The following TIAM1 variants were observed in gnomAD, a reference collection of about 807,000 sequenced individuals.
TIAM1 encodes rho guanine nucleotide exchange factor TIAM1.
Under a neutral mutation model 163.5 loss-of-function variants are expected in TIAM1, and 65 were observed. The ratio of observed to expected loss-of-function variants is 0.40; its 90% CI spans 0.33 to 0.49. The LOEUF (loss-of-function observed/expected upper bound fraction) is 0.49, where lower values mean the gene tolerates loss of function less well. Ranked by LOEUF, TIAM1 falls within the 20% of genes least tolerant of loss-of-function variation. TIAM1 has a pLI of 0.77. For synonymous variants in TIAM1, 833 were observed against 810.1 expected (o/e 1.03, Z -0.48); for missense variants, 1,789 against 2,044.7 (o/e 0.87, Z 2.41).
chr21:31,124,344 A>T, intron 27 of TIAM1, 178 bp downstream of exon 27: 1 of 763,208 alleles, frequency 1.3e-6, no homozygotes, highest in Non-Finnish European at 1.9e-6. Context: ...GCGGATCCCC[A>T]GGAGCCACTG....
intron 2 of TIAM1, among the ~76,000 whole-genome samples, chr21:31,381,580 A>C (rs1429037260): frequency 6.6e-6 from 1 of 152,172 alleles, no homozygotes; most frequent in East Asian, 1.9e-4. Context: ...AGGAACAGGA[A>C]TCACTTGAAC....
chr21:31,137,695 C>T (rs1257547716), intron 22 of TIAM1, among the ~76,000 whole-genome samples: 1 of 151,508 alleles, frequency 6.6e-6, no homozygotes, highest in African/African-American at 2.4e-5. Flanking sequence ...CACATCGCCG[C>T]CCGGATGACT....
intron 2 of TIAM1, among the ~76,000 whole-genome samples, chr21:31,446,991 G>C (rs73902350): frequency 4.1e-4 from 63 of 152,324 alleles, no homozygotes; most frequent in African/African-American, 1.4e-3. Context: ...GGGATTTTGT[G>C]TTAAGACAAA....
At chr21:31,225,545 T>A (rs2087901252) in intron 7 of TIAM1, among the ~76,000 whole-genome samples, 181 bp downstream of exon 7, 1 of 151,490 alleles carries the variant, frequency 6.6e-6, no homozygotes, top group Admixed American at 6.6e-5. Flanking sequence ...CTATTAACAA[T>A]CAGCTATGAA....
At chr21:31,475,025 TTTATTATTA>T (rs550390061) in intron 1 of TIAM1, among the ~76,000 whole-genome samples, 11 of 118,690 alleles carry the variant, frequency 9.3e-5, no homozygotes, top group East Asian at 6.5e-4. Flanking sequence ...GAGCTAGTTT[TTTATTATTA>T]TTATTATTAT....
intron 1 of TIAM1, among the ~76,000 whole-genome samples, chr21:31,551,257 C>A (rs73345667): frequency 0.028 from 4,232 of 151,024 alleles, 207 homozygotes; most frequent in African/African-American, 0.098. Context: ...AGAAAAAGAA[C>A]CACGGCTGGA....
At chr21:31,489,938 G>C (rs904320592) in intron 1 of TIAM1, among the ~76,000 whole-genome samples, 1 of 152,236 alleles carries the variant, frequency 6.6e-6, no homozygotes, top group East Asian at 1.9e-4. Flanking sequence ...GCAGGAGTAA[G>C]AGGAAAAAGA....
intron 2 of TIAM1, among the ~76,000 whole-genome samples, chr21:31,360,777 T>A (rs1334163581): frequency 1.3e-5 from 2 of 152,208 alleles, no homozygotes; most frequent in Non-Finnish European, 2.9e-5. Flanking sequence ...AAAGAAAATA[T>A]TCCAATGACC....
intron 2 of TIAM1, among the ~76,000 whole-genome samples, chr21:31,300,068 G>A (rs1242266673): frequency 6.6e-6 from 1 of 152,138 alleles, no homozygotes; most frequent in Admixed American, 6.5e-5. Flanking sequence ...TGGATCACGG[G>A]GGAGGATTTC....
chr21:31,469,973 G>A (rs1183916481), intron 1 of TIAM1, among the ~76,000 whole-genome samples: 1 of 151,206 alleles, frequency 6.6e-6, no homozygotes, highest in Non-Finnish European at 1.5e-5. Flanking sequence ...GAGGCTCCGA[G>A]TGTTACGAGT....
intron 4 of TIAM1, among the ~76,000 whole-genome samples, chr21:31,257,995 C>T (rs931747303): frequency 1.3e-5 from 2 of 151,658 alleles, no homozygotes; most frequent in African/African-American, 2.4e-5. Context: ...TCCCTCCTCC[C>T]CTCCTCTCCT....
intron 3 of TIAM1, among the ~76,000 whole-genome samples, chr21:31,272,618 T>C (rs1194883497): frequency 6.6e-6 from 1 of 152,164 alleles, no homozygotes; most frequent in African/African-American, 2.4e-5. Flanking sequence ...CTGCATACAA[T>C]TTCCTGTGAA....
In TIAM1 at chr21:31,174,741, G is replaced by A. The variant is rs534807933; in HGVS notation, c.2887+7680C>T. Among the ~76,000 whole-genome samples, 8 of 152,220 alleles carry A rather than the reference G, an allele frequency of 5.3e-5. No homozygotes were observed. The South Asian group carries it at 6.2e-4, about 12-fold the overall frequency. ...CGGCTCACTGCAACCTCCACCTCCC[G>A]GGTTCAAGCAATTCTCCTGCCTCAG... On this transcript the variant is annotated intron_variant, in intron 15 of 27. Transcript: ENST00000541036.
intron 2 of TIAM1, among the ~76,000 whole-genome samples, chr21:31,281,998 G>C (rs1376288524): frequency 6.6e-6 from 1 of 152,174 alleles, no homozygotes; most frequent in Non-Finnish European, 1.5e-5. Flanking sequence ...AAAAACTTGG[G>C]AATGACTTCT....
chr21:31,548,132 C>CTTT (rs553946414), intron 1 of TIAM1, among the ~76,000 whole-genome samples: 77 of 74,954 alleles, frequency 1.0e-3, no homozygotes, highest in Middle Eastern at 9.3e-3. Flanking sequence ...TTATTTGTGT[C>CTTT]TTTTTTTTTT....
At chr21:31,338,814 C>A (rs2075932579) in intron 2 of TIAM1, among the ~76,000 whole-genome samples, 1 of 152,154 alleles carries the variant, frequency 6.6e-6, no homozygotes, top group African/African-American at 2.4e-5. Flanking sequence ...AACCACTTAG[C>A]AGTTTACATC....
At chr21:31,333,263 T>G (rs2075734824) in intron 2 of TIAM1, among the ~76,000 whole-genome samples, 1 of 152,024 alleles carries the variant, frequency 6.6e-6, no homozygotes, top group Non-Finnish European at 1.5e-5. Context: ...ACTTTACTTC[T>G]CTCCAACTCC....
chr21:31,359,858 A>AGGG (rs2076379895), intron 2 of TIAM1, among the ~76,000 whole-genome samples: 3 of 95,606 alleles, frequency 3.1e-5, no homozygotes, highest in South Asian at 4.9e-4. Context: ...GGAAGGAAGG[A>AGGG]AGGAAGGGAG....
At chr21:31,289,692 T>C (rs2300349) in intron 2 of TIAM1, among the ~76,000 whole-genome samples, 19,214 of 152,250 alleles carry the variant, frequency 0.13, 1,786 homozygotes, top group East Asian at 0.43. Flanking sequence ...ACAGAGCCCA[T>C]ATTCCCCTCC....
Sources: allele counts gnomAD v4.1 joint callset (sites outside exome capture counted in the v4.1 genomes callset), GRCh38; gene constraint gnomAD v4.1.1; transcripts MANE v1.5; gene names NCBI Gene and HGNC (gene_info 2026-07-23, HGNC 2026-07-21).